WDFY2: variants seen among roughly 807,000 people sequenced by gnomAD.
The protein encoded by WDFY2 is WD repeat and FYVE domain-containing protein 2.
In WDFY2, 36 loss-of-function variants were observed where a neutral mutation model predicts 56.4. That is an observed-to-expected ratio of 0.64 (90% CI 0.49 to 0.84). WDFY2 has a LOEUF of 0.84. WDFY2 is among the 40% of genes least tolerant of loss of function. The pLI is 0.00. For missense variants in WDFY2, 444 were observed against 512.2 expected, an observed-to-expected ratio of 0.87 and a Z score of 1.29; for synonymous variants, 176 against 183.7, an observed-to-expected ratio of 0.96 and a Z score of 0.34.
At chr13:51,750,132 A>G (rs1953195797) in intron 7 of WDFY2, among the ~76,000 whole-genome samples, 1 of 152,206 alleles carries the variant, frequency 6.6e-6, no homozygotes, top group Non-Finnish European at 1.5e-5. Context: ...AATATTACTG[A>G]ATTGGCTAGC....
intron 2 of WDFY2, among the ~76,000 whole-genome samples, chr13:51,667,753 G>A (rs1307924187): frequency 6.6e-6 from 1 of 151,732 alleles, no homozygotes; most frequent in Non-Finnish European, 1.5e-5. Context: ...TTTCTTTTTG[G>A]TATAGGTTAT....
At chr13:51,600,427 G>A (rs997886749) in intron 1 of WDFY2, among the ~76,000 whole-genome samples, 1 of 152,142 alleles carries the variant, frequency 6.6e-6, no homozygotes, top group Non-Finnish European at 1.5e-5. Flanking sequence ...ACTGCTCATC[G>A]GTTTCTGTGT....
chr13:51,715,678 A>T (rs1952329291), intron 4 of WDFY2, among the ~76,000 whole-genome samples: 1 of 152,226 alleles, frequency 6.6e-6, no homozygotes, highest in African/African-American at 2.4e-5. Flanking sequence ...AGTATAGTAA[A>T]TACATAAACC....
chr13:51,635,568 T>C (rs1227777364), intron 1 of WDFY2, among the ~76,000 whole-genome samples: 1 of 152,234 alleles, frequency 6.6e-6, no homozygotes, highest in Non-Finnish European at 1.5e-5. Context: ...TTCCTCTCTC[T>C]GAGCATTCAG....
intron 1 of WDFY2, among the ~76,000 whole-genome samples, chr13:51,602,552 C>T (rs1250544514): frequency 2.6e-5 from 4 of 152,218 alleles, no homozygotes; most frequent in African/African-American, 9.6e-5. Context: ...TCTTTTTCTT[C>T]TCCATTATCC....
At chr13:51,710,296 T>C (rs942206497) in intron 4 of WDFY2, among the ~76,000 whole-genome samples, 1 of 152,086 alleles carries the variant, frequency 6.6e-6, no homozygotes, top group Non-Finnish European at 1.5e-5. Context: ...CTCAAAATAA[T>C]AAGAGCTATT....
chr13:51,662,295 A>G (rs185932013), intron 2 of WDFY2, among the ~76,000 whole-genome samples: 7 of 152,286 alleles, frequency 4.6e-5, no homozygotes, highest in African/African-American at 1.4e-4. Flanking sequence ...TGATATAACC[A>G]GTATTTTTTC....
intron 1 of WDFY2, among the ~76,000 whole-genome samples, chr13:51,639,931 C>A (rs564864278): frequency 6.6e-6 from 1 of 152,226 alleles, no homozygotes; most frequent in South Asian, 2.1e-4. Context: ...TAAAAAATTT[C>A]TAGCAGGATT....
Position 51,764,532 on chromosome 13 carries a change from A to G in WDFY2, c.*4763A>G, listed in dbSNP as rs778789472. 6.5e-6 allele frequency: 1 copy of G among 152,842 alleles called. No homozygotes were observed. Among genetic ancestry groups the G allele is most frequent in the Non-Finnish European group, 1.5e-5 (1 of 68,084 alleles). 9.5% of individuals were successfully genotyped at this position (152,842 alleles called of 1,614,324 possible). A position where few individuals can be genotyped will look rare whatever the true frequency, so the allele number is the denominator to read the frequency against. The stretch of plus-strand genomic sequence containing the variant: ...GGCTGGAGCTGCCGGAGAACAGCCA[A>G]GTGGCTCAGCTGCCATCCCAGAATT... On this transcript the variant is annotated 3_prime_UTR_variant, in exon 12 of 12. Transcript: ENST00000298125.
chr13:51,625,362 G>A (rs1029676460), intron 1 of WDFY2, among the ~76,000 whole-genome samples: 1 of 152,166 alleles, frequency 6.6e-6, no homozygotes, highest in Admixed American at 6.5e-5. Flanking sequence ...CAGCATTTGT[G>A]TGTGTAAATG....
At chr13:51,639,299 T>C (rs1955112212) in intron 1 of WDFY2, among the ~76,000 whole-genome samples, 1 of 152,214 alleles carries the variant, frequency 6.6e-6, no homozygotes, top group Non-Finnish European at 1.5e-5. Context: ...TTATTAACAT[T>C]CATGAGTATA....
chr13:51,746,624 A>C (rs75413972), intron 7 of WDFY2, among the ~76,000 whole-genome samples: 1,556 of 152,374 alleles, frequency 0.01, 12 homozygotes, highest in Middle Eastern at 0.017. Flanking sequence ...ATGAAAATTA[A>C]GGAATCTCTG....
intron 1 of WDFY2, among the ~76,000 whole-genome samples, chr13:51,600,814 C>T (rs925716378): frequency 7.2e-5 from 11 of 152,180 alleles, no homozygotes; most frequent in African/African-American, 2.2e-4. Context: ...ATGCCCTTTT[C>T]GTTGGTCATT....
intron 1 of WDFY2, among the ~76,000 whole-genome samples, chr13:51,622,980 C>T (rs938733645): frequency 7.3e-5 from 11 of 151,578 alleles, no homozygotes; most frequent in African/African-American, 4.9e-5. Context: ...GCCTCAGCCT[C>T]CCGAGTAGTT....
At chr13:51,608,875 G>A (rs1176603834) in intron 1 of WDFY2, among the ~76,000 whole-genome samples, 1 of 151,992 alleles carries the variant, frequency 6.6e-6, no homozygotes, top group African/African-American at 2.4e-5. Context: ...CTATTAGGGG[G>A]CATTTAGGTT....
chr13:51,744,324 C>G (rs540352079), intron 7 of WDFY2, among the ~76,000 whole-genome samples: 1 of 152,254 alleles, frequency 6.6e-6, no homozygotes, highest in African/African-American at 2.4e-5. Context: ...TTAAGTTGAC[C>G]GTTGGGCAGA....
At chr13:51,633,696 G>A (rs1593908790) in intron 1 of WDFY2, among the ~76,000 whole-genome samples, 1 of 152,162 alleles carries the variant, frequency 6.6e-6, no homozygotes, top group Non-Finnish European at 1.5e-5. Flanking sequence ...GAAGTGATGA[G>A]GGGAGGGAGT....
Position 51,727,802 on chromosome 13 carries a change from A to G in WDFY2, c.598+12A>G. The G allele has an allele frequency of 4.3e-6, 7 of 1,612,114 alleles. No homozygotes were observed. The highest frequency in any genetic ancestry group is 5.9e-6 in the Non-Finnish European group (7 of 1,178,478). On this transcript the variant is annotated intron_variant, in intron 6 of 11. Transcript: ENST00000298125. Reference sequence around the variant, plus strand: ...CAGAGGACACACAGGTAGGATTAACAGTAAAATCGTCATGTGCTGATAGCA... The same window carrying G: ...CAGAGGACACACAGGTAGGATTAACGGTAAAATCGTCATGTGCTGATAGCA...
chr13:51,698,104 G>T (rs1951913488), intron 3 of WDFY2, among the ~76,000 whole-genome samples: 2 of 152,164 alleles, frequency 1.3e-5, no homozygotes, highest in Non-Finnish European at 2.9e-5. Flanking sequence ...CATTTAACAA[G>T]TATGTGTTTT....
Sources: gnomAD v4.1 joint callset for allele counts (sites outside exome capture counted in the v4.1 genomes callset) on GRCh38, gnomAD v4.1.1 for gene constraint, MANE v1.5 for transcripts, NCBI Gene and HGNC (gene_info 2026-07-23, HGNC 2026-07-21) for gene names.